CDH23: variants seen among roughly 807,000 people sequenced by gnomAD.
CDH23 encodes cadherin related 23.
Under a neutral mutation model 317.1 loss-of-function variants are expected in CDH23, and 189 were observed. The ratio of observed to expected loss-of-function variants is 0.60; its 90% confidence interval spans 0.53 to 0.67. CDH23 has a LOEUF of 0.67. Ranked by LOEUF, CDH23 falls within the 30% of genes least tolerant of loss-of-function variation. The pLI is 0.00. For synonymous variants in CDH23, 1,839 were observed against 1,876.8 expected (o/e 0.98, Z 0.52); for missense variants, 4,401 against 4,592.4 (o/e 0.96, Z 1.20).
At chr10:71,774,715 C>T (rs1840778299) in intron 38 of CDH23, among the ~76,000 whole-genome samples, 1 of 152,220 alleles carries the variant, frequency 6.6e-6, no homozygotes, top group African/African-American at 2.4e-5. Context: ...AGCCATTTTA[C>T]TCAGTTTACC....
At chr10:71,659,115 C>T (rs1051316269) in intron 14 of CDH23, among the ~76,000 whole-genome samples, 8 of 152,220 alleles carry the variant, frequency 5.3e-5, no homozygotes, top group South Asian at 4.1e-4. Flanking sequence ...TCAGTAGGTT[C>T]GCTGCTGATT....
In CDH23 at chr10:71,600,619, C is replaced by T. The variant is rs891963444; in HGVS notation, c.833-14885C>T. Among the ~76,000 whole-genome samples the T allele has an allele frequency of 5.3e-5, 8 of 150,938 alleles. No homozygotes were observed. The East Asian group carries it at 5.9e-4, about 11-fold the overall frequency. On this transcript the variant is annotated intron_variant, in intron 9 of 69. Transcript: ENST00000224721. ...GCAACCTCTGCCTCCCGGGTTCAAGCGATTCTCCTGCCTCAGCCTCCTGAG... is the reference window on the plus strand; with the variant it reads ...GCAACCTCTGCCTCCCGGGTTCAAGTGATTCTCCTGCCTCAGCCTCCTGAG...
intron 41 of CDH23, among the ~76,000 whole-genome samples, chr10:71,782,626 C>T: frequency 6.6e-6 from 1 of 152,328 alleles, no homozygotes; most frequent in East Asian, 1.9e-4. Context: ...AGCCCCCAGC[C>T]CCTCAGGCCT....
intron 11 of CDH23, among the ~76,000 whole-genome samples, chr10:71,636,128 A>G (rs1422842896): frequency 6.6e-6 from 1 of 151,986 alleles, no homozygotes; most frequent in Admixed American, 6.6e-5. Context: ...GAGAGAAACA[A>G]GCAAAGGAGT....
intron 30 of CDH23, among the ~76,000 whole-genome samples, chr10:71,725,753 T>G (rs145180947): frequency 2.6e-5 from 4 of 152,330 alleles, no homozygotes; most frequent in African/African-American, 9.6e-5. Context: ...GATACTGATG[T>G]CTGTCCTAAG....
At chr10:71,493,119 G>A (rs1852758356) in intron 3 of CDH23, among the ~76,000 whole-genome samples, 1 of 152,176 alleles carries the variant, frequency 6.6e-6, no homozygotes. Context: ...GTGGGGGAGT[G>A]GTGGGGTTGT....
chr10:71,492,895 G>A lies in CDH23; in HGVS notation c.146-17187G>A, dbSNP rs190518550. On this transcript the variant is annotated intron_variant, in intron 3 of 69. Transcript: ENST00000224721. The stretch of plus-strand genomic sequence containing the variant: ...ATTCAGCGCTCCTCTTGTGTTTCCC[G>A]GCTTGCCCCTGCCACAGCTTCTTAG... Among the ~76,000 whole-genome samples, 1,112 of 152,224 alleles carry A rather than the reference G, an allele frequency of 7.3e-3. 21 individuals are homozygous for A. The highest frequency in any genetic ancestry group is 0.031 in the Middle Eastern group (9 of 294).
chr10:71,623,028 C>T (rs1003809899), intron 11 of CDH23: 1 of 843,854 alleles, frequency 1.2e-6, no homozygotes, highest in East Asian at 1.2e-4. Context: ...GTTATGTGCA[C>T]CAACTATGTG....
chr10:71,596,138 T>G (rs577725690), intron 9 of CDH23, among the ~76,000 whole-genome samples: 1 of 152,072 alleles, frequency 6.6e-6, no homozygotes, highest in Non-Finnish European at 1.5e-5. Flanking sequence ...GGGGAGAGAC[T>G]GGCCTACAGT....
chr10:71,798,821 CTACTATTAG>C (rs1037141736), intron 50 of CDH23, among the ~76,000 whole-genome samples: 2 of 152,162 alleles, frequency 1.3e-5, no homozygotes, highest in Admixed American at 1.3e-4. Flanking sequence ...ACCCAAGCTC[CTACTATTAG>C]TACCACCGAG....
chr10:71,539,373 A>C (rs1564640686), intron 6 of CDH23, among the ~76,000 whole-genome samples: 2 of 152,054 alleles, frequency 1.3e-5, no homozygotes, highest in African/African-American at 2.4e-5. Context: ...GCAGGAGACC[A>C]AGTCTTTGGA....
At position 71,773,454 on chromosome 10, in the gene CDH23, C is replaced by G. The variant is rs185271049; in HGVS notation, c.4846-4226C>G. On this transcript the variant is annotated intron_variant, in intron 38 of 69. Coordinates refer to ENST00000224721, the MANE Select transcript of CDH23 (RefSeq NM_022124.6). ...GGGACGCCCATGTCGCCGTCGGACG[C>G]GCAGAGGAACTTCTGGTGCCGGGGA... The G allele has an allele frequency of 1.8e-3, 2,806 of 1,581,804 alleles. 39 individuals carry two copies. In the South Asian group the frequency reaches 0.018, roughly 10 times the overall value.
At chr10:71,673,211 C>G (rs1864219557) in intron 14 of CDH23, among the ~76,000 whole-genome samples, 1 of 152,228 alleles carries the variant, frequency 6.6e-6, no homozygotes. Flanking sequence ...CCCACAGGTG[C>G]CTGCCCTGCC....
chr10:71,438,851 T>A (rs1849742137), intron 1 of CDH23, among the ~76,000 whole-genome samples: 1 of 152,132 alleles, frequency 6.6e-6, no homozygotes, highest in South Asian at 2.1e-4. Context: ...AGATGCACAG[T>A]AGGTATGCAC....
At chr10:71,633,537 C>T (rs1474831427) in intron 11 of CDH23, among the ~76,000 whole-genome samples, 1 of 152,174 alleles carries the variant, frequency 6.6e-6, no homozygotes, top group Non-Finnish European at 1.5e-5. Flanking sequence ...GGTCACCCCT[C>T]TACCCGGAGC....
At chr10:71,607,780 G>A (rs768957210) in intron 9 of CDH23, among the ~76,000 whole-genome samples, 12 of 152,214 alleles carry the variant, frequency 7.9e-5, no homozygotes, top group Non-Finnish European at 1.8e-4. Context: ...GTGTGCACCT[G>A]CAGTCCCAGC....
chr10:71,699,983 A>G (rs1364750145), intron 22 of CDH23, among the ~76,000 whole-genome samples: 1 of 152,202 alleles, frequency 6.6e-6, no homozygotes, highest in Non-Finnish European at 1.5e-5. Context: ...ACCACCCACC[A>G]TGTGAAATGT....
At chr10:71,718,242 G>A (rs921397094) in intron 28 of CDH23, among the ~76,000 whole-genome samples, 1 of 152,200 alleles carries the variant, frequency 6.6e-6, no homozygotes, top group Admixed American at 6.5e-5. Context: ...GGGCCACCTA[G>A]TTCCCCACCC....
chr10:71,670,106 C>T (rs1864082374), intron 14 of CDH23, among the ~76,000 whole-genome samples: 1 of 152,262 alleles, frequency 6.6e-6, no homozygotes, highest in South Asian at 2.1e-4. Context: ...CCTGCACATC[C>T]TCTGTGCCTG....
Sources: allele counts gnomAD v4.1 joint callset (sites outside exome capture counted in the v4.1 genomes callset), GRCh38; gene constraint gnomAD v4.1.1; transcripts MANE v1.5; gene names NCBI Gene and HGNC (gene_info 2026-07-23, HGNC 2026-07-21).